The following LIX1 variants were observed in gnomAD, a reference collection of about 807,000 sequenced individuals.
The protein encoded by LIX1 is protein limb expression 1 homolog.
In LIX1, 24 loss-of-function variants were observed where a neutral mutation model predicts 33.4. The observed-to-expected ratio is 0.72, with a 90% CI of 0.52 to 1.01. The LOEUF (loss-of-function observed/expected upper bound fraction) is 1.01. Ranked by LOEUF, LIX1 falls within the 50% of genes least tolerant of loss-of-function variation. The probability of loss-of-function intolerance (pLI) is 0.00; values close to 1 mark genes in which losing one functional copy is unlikely to be tolerated. For synonymous variants in LIX1, 124 were observed against 124.0 expected, an observed-to-expected ratio of 1.00 and a Z score of 0.00; for missense variants, 311 against 339.2, an observed-to-expected ratio of 0.92 and a Z score of 0.65.
At chr5:97,117,909 T>C (rs1235016431) in intron 2 of LIX1, among the ~76,000 whole-genome samples, 1 of 131,382 alleles carries the variant, frequency 7.6e-6, no homozygotes, top group Non-Finnish European at 1.6e-5. Flanking sequence ...CACCAAACAT[T>C]GGTTACAAAT....
At chr5:97,132,343 T>G (rs1748075196) in intron 1 of LIX1, among the ~76,000 whole-genome samples, 1 of 152,148 alleles carries the variant, frequency 6.6e-6, no homozygotes, top group Non-Finnish European at 1.5e-5. Flanking sequence ...ATGTAAAATG[T>G]AAAATTTATG....
At chr5:97,136,364 TG>T (rs1442527865) in intron 1 of LIX1, among the ~76,000 whole-genome samples, 1 of 152,192 alleles carries the variant, frequency 6.6e-6, no homozygotes, top group Non-Finnish European at 1.5e-5. Context: ...AAAAGGGTCT[TG>T]GCACAGTTTA....
At position 97,094,894 on chromosome 5, in the gene LIX1, C is replaced by T. The variant is rs148336496; in HGVS notation, c.703G>A (p.Ala235Thr). 8 of 1,614,070 alleles carry T rather than the reference C, an allele frequency of 5.0e-6. No homozygotes were observed. In the African/African-American group the frequency reaches 8.0e-5, roughly 16 times the overall value. ...CGTAGTTCTTGTCCTGCTTTCCTGG[C>T]TTCCTCCAACTGCCTCAGGGCCATT... ...LRMALRQLEE[A>T]RKAGQELRFY... Residue 235 changes from alanine to threonine, a missense_variant, in exon 6 of 6, where the codon GCC becomes ACC. By Grantham distance (58) the Ala-to-Thr change is moderately conservative. Transcript: ENST00000274382.
chr5:97,109,306 T>A (rs1242836418), intron 2 of LIX1, among the ~76,000 whole-genome samples: 1 of 152,104 alleles, frequency 6.6e-6, no homozygotes. Context: ...CAGGCTGGAG[T>A]GCAGTGGTGC....
intron 2 of LIX1, among the ~76,000 whole-genome samples, chr5:97,110,708 T>G (rs1747342185): frequency 1.3e-5 from 2 of 152,212 alleles, no homozygotes; most frequent in Admixed American, 1.3e-4. Context: ...CCTCCCAAAG[T>G]GCTGAAATTG....
chr5:97,125,058 A>G (rs990649346), intron 1 of LIX1, among the ~76,000 whole-genome samples: 21 of 152,176 alleles, frequency 1.4e-4, no homozygotes, highest in Non-Finnish European at 1.6e-4. Context: ...CATTTCTCAT[A>G]GATTCTTAAG....
At chr5:97,115,903 C>T (rs1475510932) in intron 2 of LIX1, among the ~76,000 whole-genome samples, 1 of 152,026 alleles carries the variant, frequency 6.6e-6, no homozygotes, top group East Asian at 1.9e-4. Context: ...CACATGGTAC[C>T]CAAGGGGTTT....
intron 4 of LIX1, among the ~76,000 whole-genome samples, chr5:97,100,087 G>T (rs940376548): frequency 6.6e-6 from 1 of 152,084 alleles, no homozygotes; most frequent in African/African-American, 2.4e-5. Context: ...GGTCTTCTGG[G>T]CTCTTTTTCT....
At chr5:97,110,834 T>G (rs888149975) in intron 2 of LIX1, among the ~76,000 whole-genome samples, 7 of 152,158 alleles carry the variant, frequency 4.6e-5, no homozygotes, top group Non-Finnish European at 1.0e-4. Flanking sequence ...TTCTTTTTTC[T>G]TGGTGTTGAC....
At chr5:97,123,500 C>T (rs1348767816) in intron 2 of LIX1, among the ~76,000 whole-genome samples, 1 of 152,178 alleles carries the variant, frequency 6.6e-6, no homozygotes, top group Admixed American at 6.5e-5. Context: ...ACCTTTAGCT[C>T]CTGAACATAC....
intron 4 of LIX1, among the ~76,000 whole-genome samples, chr5:97,098,358 T>C (rs899644628): frequency 1.3e-5 from 2 of 152,206 alleles, no homozygotes; most frequent in African/African-American, 4.8e-5. Context: ...AGCTAAGGTG[T>C]ATAAGTTTAC....
At chr5:97,101,615 G>A (rs1746701793) in intron 4 of LIX1, 2 of 152,118 alleles carry the variant, frequency 1.3e-5, no homozygotes, top group Non-Finnish European at 2.9e-5. Flanking sequence ...GGTTTATTTT[G>A]TCATTCATTT....
chr5:97,141,031 C>T (rs571205287), intron 1 of LIX1, among the ~76,000 whole-genome samples: 168 of 152,302 alleles, frequency 1.1e-3, no homozygotes, highest in Middle Eastern at 3.4e-3. Context: ...AAACTGTAAA[C>T]AATCGCAGCA....
intron 1 of LIX1, among the ~76,000 whole-genome samples, chr5:97,130,829 G>A (rs913629617): frequency 6.6e-6 from 1 of 152,258 alleles, no homozygotes; most frequent in Middle Eastern, 3.4e-3. Flanking sequence ...TTTGCAGATC[G>A]AGCTTCTTAA....
intron 1 of LIX1, among the ~76,000 whole-genome samples, chr5:97,126,305 G>C (rs992746472): frequency 6.6e-6 from 1 of 152,178 alleles, no homozygotes; most frequent in African/African-American, 2.4e-5. Flanking sequence ...CTCAGAGTGT[G>C]ATCTGGAGGC....
At chr5:97,142,282 AG>A (rs1375430120) in intron 1 of LIX1, among the ~76,000 whole-genome samples, 1 of 152,324 alleles carries the variant, frequency 6.6e-6, no homozygotes, top group East Asian at 1.9e-4. Flanking sequence ...GTAGTTAGCA[AG>A]ATGTATCACT....
Position 97,124,552 on chromosome 5 carries a change from C to T in LIX1, c.160G>A (p.Val54Met), listed in dbSNP as rs767514174. The T allele has an allele frequency of 1.2e-6, 2 of 1,612,296 alleles. No individual in the cohort carries two copies. Among genetic ancestry groups the T allele is most frequent in the East Asian group, 2.2e-5 (1 of 44,790 alleles). ...GGAGCTGGCAGTGACTCATAGACCA[C>T]CACACCTTCACTTGGGAATGCAGCC... Reference protein sequence around the residue: ...QKAAFPSEGVVVYESLPAPGP... With the variant: ...QKAAFPSEGVMVYESLPAPGP... Residue 54 changes from valine to methionine, a missense_variant, in exon 2 of 6, where the codon GTG (valine) becomes ATG (methionine). Transcript: ENST00000274382.
intron 2 of LIX1, among the ~76,000 whole-genome samples, chr5:97,110,891 G>A (rs1747354514): frequency 1.3e-5 from 2 of 152,068 alleles, no homozygotes; most frequent in African/African-American, 4.8e-5. Flanking sequence ...GGCCATTCAA[G>A]GTTTAGACCT....
At chr5:97,110,388 CAGA>C (rs1747316062) in intron 2 of LIX1, among the ~76,000 whole-genome samples, 1 of 152,106 alleles carries the variant, frequency 6.6e-6, no homozygotes, top group Non-Finnish European at 1.5e-5. Context: ...TAAGGGCAGG[CAGA>C]AGAAGATATT....
Sources: gnomAD v4.1 joint callset for allele counts (sites outside exome capture counted in the v4.1 genomes callset) on GRCh38, gnomAD v4.1.1 for gene constraint, MANE v1.5 for transcripts, NCBI Gene and HGNC (gene_info 2026-07-23, HGNC 2026-07-21) for gene names.